Variants in FAM174A observed in about 807,000 individuals in gnomAD.
FAM174A encodes family with sequence similarity 174 member A.
Under a neutral mutation model 14.3 loss-of-function variants are expected in FAM174A, and 14 were observed. That is an observed-to-expected ratio of 0.98 (90% CI 0.65 to 1.53). FAM174A has a LOEUF of 1.53. Ranked by LOEUF, FAM174A falls within the 40% of genes most tolerant of loss-of-function variation. The probability of loss-of-function intolerance (pLI) is 0.00; values close to 1 mark genes in which losing one functional copy is unlikely to be tolerated. For missense variants in FAM174A, 241 were observed against 249.6 expected (o/e 0.97, Z 0.23); for synonymous variants, 108 against 111.4 (o/e 0.97, Z 0.19).
At chr5:100,578,166 A>G (rs897495213) in intron 2 of FAM174A, among the ~76,000 whole-genome samples, 1 of 152,146 alleles carries the variant, frequency 6.6e-6, no homozygotes, top group African/African-American at 2.4e-5. Flanking sequence ...CATTTTACAT[A>G]GGATCTAATC....
chr5:100,571,534 A>G (rs984445812), intron 2 of FAM174A, among the ~76,000 whole-genome samples: 3 of 149,482 alleles, frequency 2.0e-5, no homozygotes, highest in Admixed American at 6.7e-5. Context: ...TGATTATTTA[A>G]ATACTTAAAT....
At chr5:100,556,198 G>GA (rs1746376738) in intron 1 of FAM174A, among the ~76,000 whole-genome samples, 1 of 151,982 alleles carries the variant, frequency 6.6e-6, no homozygotes, top group Admixed American at 6.6e-5. Context: ...ATTAAATAGG[G>GA]ATCCTTTCCC....
chr5:100,547,308 A>G (rs1419500808), intron 1 of FAM174A, among the ~76,000 whole-genome samples: 1 of 152,146 alleles, frequency 6.6e-6, no homozygotes, highest in East Asian at 1.9e-4. Flanking sequence ...TGTCTTGTAC[A>G]TTGTTTTAAC....
At chr5:100,544,301 C>T (rs1008167801) in intron 1 of FAM174A, among the ~76,000 whole-genome samples, 4 of 151,912 alleles carry the variant, frequency 2.6e-5, no homozygotes, top group African/African-American at 7.3e-5. Flanking sequence ...AAGGTCGTAC[C>T]CCTGCATTTG....
chr5:100,556,417 C>T (rs564116800), intron 1 of FAM174A, among the ~76,000 whole-genome samples: 16 of 152,148 alleles, frequency 1.1e-4, no homozygotes, highest in South Asian at 8.3e-4. Context: ...ATTGACTTGG[C>T]GATGTGGGCT....
intron 2 of FAM174A, among the ~76,000 whole-genome samples, chr5:100,581,695 AG>A (rs987726885): frequency 6.6e-6 from 1 of 152,142 alleles, no homozygotes; most frequent in Admixed American, 6.6e-5. Flanking sequence ...GAGTCATGCC[AG>A]GGAGGGAGTG....
chr5:100,544,440 A>G (rs1241568226), intron 1 of FAM174A, among the ~76,000 whole-genome samples: 1 of 152,072 alleles, frequency 6.6e-6, no homozygotes, highest in African/African-American at 2.4e-5. Context: ...AGAGATCGAG[A>G]GACAGAGAGA....
intron 2 of FAM174A, among the ~76,000 whole-genome samples, chr5:100,573,996 A>C (rs1008896433): frequency 2.4e-4 from 36 of 152,284 alleles, no homozygotes; most frequent in African/African-American, 8.7e-4. Flanking sequence ...TTTCCTAATA[A>C]AACAGCACTT....
rs1303605767 is a variant in FAM174A, at chr5:100,586,221, C to T, written c.*37C>T. On this transcript the variant is annotated 3_prime_UTR_variant, in exon 3 of 3. Coordinates refer to ENST00000312637, the MANE Select transcript of FAM174A (RefSeq NM_198507.3). ...TTGATGAAAGAACTTTATCTTTCTACAATGAAGAGTGGAATTTCTATGTTT... is the reference window on the plus strand; with the variant it reads ...TTGATGAAAGAACTTTATCTTTCTATAATGAAGAGTGGAATTTCTATGTTT... The T allele has an allele frequency of 1.4e-6, 2 of 1,399,734 alleles. No homozygotes were observed. Among genetic ancestry groups the T allele is most frequent in the East Asian group, 4.8e-5 (2 of 41,800 alleles). The allele number at this position is 1,399,734 out of a possible 1,614,324, so 86.7% of individuals were successfully genotyped here.
chr5:100,559,165 T>C (rs1746468241), intron 1 of FAM174A, among the ~76,000 whole-genome samples: 2 of 152,184 alleles, frequency 1.3e-5, no homozygotes, highest in Admixed American at 6.5e-5. Context: ...TTTGCTTGTC[T>C]GTAAAGTATT....
At chr5:100,557,565 C>G (rs1408679876) in intron 1 of FAM174A, among the ~76,000 whole-genome samples, 2 of 152,266 alleles carry the variant, frequency 1.3e-5, no homozygotes, top group East Asian at 3.9e-4. Context: ...CCATCTGGTC[C>G]TGGACTCTTT....
At chr5:100,575,329 G>T (rs1260632970) in intron 2 of FAM174A, among the ~76,000 whole-genome samples, 4 of 151,902 alleles carry the variant, frequency 2.6e-5, no homozygotes, top group Non-Finnish European at 1.5e-5. Flanking sequence ...GTATACATAT[G>T]CCGTGTTGGT....
chr5:100,559,406 G>GT (rs757774880), intron 1 of FAM174A, among the ~76,000 whole-genome samples: 3 of 151,952 alleles, frequency 2.0e-5, no homozygotes, highest in Non-Finnish European at 4.4e-5. Flanking sequence ...GAATCTGGCA[G>GT]TTATGTGTCT....
In FAM174A at chr5:100,545,694, A is replaced by G. The variant is rs569750483; in HGVS notation, c.434+9730A>G. The stretch of plus-strand genomic sequence containing the variant: ...CTAATTAATTTACATACATATGAGT[A>G]TATGTGTAATTTTCCATGCATGCCT... On this transcript the variant is annotated intron_variant, in intron 1 of 2. Coordinates refer to ENST00000312637, the MANE Select transcript of FAM174A (RefSeq NM_198507.3). Among the ~76,000 whole-genome samples the G allele has an allele frequency of 2.1e-3, 316 of 152,316 alleles. 1 individual carries two copies. The highest frequency in any genetic ancestry group is 0.012 in the South Asian group (57 of 4,832).
intron 2 of FAM174A, among the ~76,000 whole-genome samples, chr5:100,573,691 T>C (rs10478519): frequency 0.13 from 18,617 of 147,438 alleles, 2,513 homozygotes; most frequent in African/African-American, 0.35. Context: ...CATCAAGCTA[T>C]CAATGACTTT....
intron 2 of FAM174A, among the ~76,000 whole-genome samples, chr5:100,574,093 T>A (rs767614005): frequency 3.9e-5 from 6 of 152,224 alleles, no homozygotes; most frequent in Non-Finnish European, 7.3e-5. Flanking sequence ...ATTTGATTAA[T>A]GAACTGTATA....
intron 2 of FAM174A, among the ~76,000 whole-genome samples, chr5:100,575,025 C>T (rs896598325): frequency 1.3e-5 from 2 of 152,114 alleles, no homozygotes; most frequent in African/African-American, 4.8e-5. Flanking sequence ...ATGACTTTGT[C>T]TGCAATATCC....
intron 1 of FAM174A, among the ~76,000 whole-genome samples, chr5:100,560,456 ACT>A (rs1291792546): frequency 2.6e-4 from 39 of 151,990 alleles, no homozygotes; most frequent in Admixed American, 1.2e-3. Flanking sequence ...GCTATGCTTA[ACT>A]CTCTGTTTCC....
intron 1 of FAM174A, among the ~76,000 whole-genome samples, chr5:100,540,321 A>T (rs1439933717): frequency 6.6e-6 from 1 of 152,178 alleles, no homozygotes; most frequent in Non-Finnish European, 1.5e-5. Flanking sequence ...AGTAAATATT[A>T]TTTACCACCT....
Sources: allele counts gnomAD v4.1 joint callset (sites outside exome capture counted in the v4.1 genomes callset), GRCh38; gene constraint gnomAD v4.1.1; transcripts MANE v1.5; gene names NCBI Gene and HGNC (gene_info 2026-07-23, HGNC 2026-07-21).